PPP3CC: variants seen among roughly 807,000 people sequenced by gnomAD.
PPP3CC encodes serine/threonine-protein phosphatase 2B catalytic subunit gamma isoform.
A neutral mutation model predicts 60.3 loss-of-function variants in PPP3CC; 35 were observed. That is an observed-to-expected ratio of 0.58 (90% confidence interval 0.44 to 0.77). PPP3CC has a LOEUF of 0.77. Ranked by LOEUF, PPP3CC falls within the 30% of genes least tolerant of loss-of-function variation. PPP3CC has a pLI of 0.00. For synonymous variants in PPP3CC, 206 were observed against 224.3 expected (o/e 0.92, Z 0.73); for missense variants, 570 against 628.9 (o/e 0.91, Z 1.00).
intron 6 of PPP3CC, among the ~76,000 whole-genome samples, chr8:22,516,021 C>T (rs1839235450): frequency 6.6e-6 from 1 of 151,948 alleles, no homozygotes; most frequent in Non-Finnish European, 1.5e-5. Flanking sequence ...TCACTACAGC[C>T]TCAACCTTCT....
intron 1 of PPP3CC, among the ~76,000 whole-genome samples, chr8:22,465,820 A>AT (rs149567298): frequency 0.035 from 5,238 of 151,576 alleles, 305 homozygotes; most frequent in African/African-American, 0.12. Flanking sequence ...TATTGTAGCC[A>AT]TTTTTTTTTA....
chr8:22,500,558 A>T (rs747082761), intron 4 of PPP3CC, among the ~76,000 whole-genome samples: 3 of 152,188 alleles, frequency 2.0e-5, no homozygotes, highest in Non-Finnish European at 4.4e-5. Context: ...CCCTTTACTG[A>T]TAGGTAGATT....
chr8:22,511,036 A>T lies in PPP3CC; in HGVS notation c.485-50A>T, dbSNP rs777444200. On this transcript the variant is annotated intron_variant, in intron 4 of 13. Transcript: ENST00000240139. ...TTCTCCTGGCCTATATCCTTTTTCA[A>T]ATGTGATACGTTTTAGTTCTTCCAT... is the stretch of plus-strand genomic sequence containing the variant. 1.1e-5 allele frequency: 18 copies of T among 1,582,144 alleles called. No homozygotes were observed. The Admixed American group carries it at 1.7e-4, about 15-fold the overall frequency.
intron 3 of PPP3CC, among the ~76,000 whole-genome samples, chr8:22,487,134 A>G (rs1035459106): frequency 6.6e-6 from 1 of 151,920 alleles, no homozygotes; most frequent in Non-Finnish European, 1.5e-5. Context: ...AATTATTTCC[A>G]CTCTGCACAT....
rs554995767 is a variant in PPP3CC at position 22,473,970 on chromosome 8, C to G, written c.50-984C>G. Among the ~76,000 whole-genome samples, 11 of 152,310 alleles carry G rather than the reference C, an allele frequency of 7.2e-5. No homozygotes were observed. The South Asian group carries it at 2.3e-3, about 32-fold the overall frequency. On this transcript the variant is annotated intron_variant, in intron 1 of 13. Coordinates refer to ENST00000240139, the MANE Select transcript of PPP3CC (RefSeq NM_005605.5). ...AGTTCAGTGGCGCGATCTCAGCTCA[C>G]TGCAACCTCTGCCTCCCACGTTCAA...
At chr8:22,539,649 A>T (rs1024204423) in intron 13 of PPP3CC, 151 bp downstream of exon 13, 1 of 787,790 alleles carries the variant, frequency 1.3e-6, no homozygotes, top group Non-Finnish European at 2.0e-6. Flanking sequence ...TTAACGAAGC[A>T]GGTGTTTCCT....
At chr8:22,481,577 A>G (rs1228973996) in intron 3 of PPP3CC, among the ~76,000 whole-genome samples, 3 of 150,632 alleles carry the variant, frequency 2.0e-5, no homozygotes, top group Non-Finnish European at 3.0e-5. Context: ...AAATTCTGGT[A>G]TACATGTACA....
At chr8:22,535,497 T>A (rs1304620235) in intron 12 of PPP3CC, among the ~76,000 whole-genome samples, 1 of 152,206 alleles carries the variant, frequency 6.6e-6, no homozygotes, top group Non-Finnish European at 1.5e-5. Flanking sequence ...TGGCCTTTTT[T>A]CTTTTTCTTT....
At chr8:22,491,326 ATCCCTCCT>A (rs1838399562) in intron 3 of PPP3CC, among the ~76,000 whole-genome samples, 1 of 152,126 alleles carries the variant, frequency 6.6e-6, no homozygotes, top group South Asian at 2.1e-4. Context: ...ATTTCCTCAC[ATCCCTCCT>A]TCCAGAATAT....
At chr8:22,529,128 A>G (rs189706057) in intron 10 of PPP3CC, among the ~76,000 whole-genome samples, 1 of 152,132 alleles carries the variant, frequency 6.6e-6, no homozygotes, top group African/African-American at 2.4e-5. Flanking sequence ...CAGTAAATAA[A>G]TATGTCAGAT....
chr8:22,540,627 T>C lies in PPP3CC; in HGVS notation c.1364T>C (p.Phe455Ser). ...AVEAREAIRG[F>S]SLQHKIRSFE... ...TGTTTTTCTGTAGCCATCAGAGGGT[T>C]CTCGCTTCAGCACAAGATCCGGAGT... The change falls in exon 14 of 14, where the codon TTC (phenylalanine) becomes TCC (serine). Residue 455 changes from phenylalanine to serine, a missense_variant. Phe to Ser is a radical substitution (Grantham distance 155). Coordinates refer to ENST00000240139, the MANE Select transcript of PPP3CC (RefSeq NM_005605.5). 1 of 1,613,368 alleles carries C rather than the reference T, an allele frequency of 6.2e-7. No homozygotes were observed. Among genetic ancestry groups the C allele is most frequent in the Non-Finnish European group, 8.5e-7 (1 of 1,179,822 alleles).
At chr8:22,532,818 CT>C (rs1839751327) in intron 11 of PPP3CC, 102 bp from the exon 12 acceptor site, 2 of 713,206 alleles carry the variant, frequency 2.8e-6, no homozygotes, top group Admixed American at 3.8e-5. Flanking sequence ...GTAGGAGAAC[CT>C]ATCTTCCATC....
At chr8:22,512,201 A>G (rs1027699549) in intron 5 of PPP3CC, among the ~76,000 whole-genome samples, 1 of 152,022 alleles carries the variant, frequency 6.6e-6, no homozygotes, top group Admixed American at 6.6e-5. Flanking sequence ...TTATAAAACT[A>G]TTTTCTCTGA....
At chr8:22,531,477 G>A in intron 10 of PPP3CC, 3 of 803,724 alleles carry the variant, frequency 3.7e-6, no homozygotes, top group East Asian at 5.5e-5. Flanking sequence ...CTCTGGACCT[G>A]TTGCGTGATC....
chr8:22,445,553 C>T (rs1409825968), intron 1 of PPP3CC, among the ~76,000 whole-genome samples: 4 of 152,050 alleles, frequency 2.6e-5, no homozygotes, highest in Non-Finnish European at 4.4e-5. Context: ...CATATTAAAG[C>T]TTTTGTTATG....
rs142254973 is a variant in PPP3CC, at chr8:22,475,501, A to G, written c.249A>G (p.Val83=). 3.7e-5 allele frequency: 59 copies of G among 1,607,968 alleles called. No homozygotes were observed. In the Admixed American group the frequency reaches 9.9e-4, roughly 27 times the overall value. ...TMIEVDAPIT[V]CGDIHGQFFD... ...ATCACTTTATGCTTTTTTTCCTAGTATGTGGTGATATTCATGGACAATTCT... is the reference window on the plus strand; with the variant it reads ...ATCACTTTATGCTTTTTTTCCTAGTGTGTGGTGATATTCATGGACAATTCT... The change falls in exon 3 of 14, where the codon GTA becomes GTG. Residue 83 remains valine, a splice_region_variant and synonymous_variant. Transcript: ENST00000240139.
At chr8:22,460,970 C>G (rs942818756) in intron 1 of PPP3CC, among the ~76,000 whole-genome samples, 1 of 152,038 alleles carries the variant, frequency 6.6e-6, no homozygotes, top group Admixed American at 6.6e-5. Flanking sequence ...CTTAGCCTCC[C>G]GAGTAGCTGG....
intron 3 of PPP3CC, among the ~76,000 whole-genome samples, chr8:22,486,993 G>A (rs756110709): frequency 6.6e-6 from 1 of 152,076 alleles, no homozygotes; most frequent in Non-Finnish European, 1.5e-5. Context: ...GCCACCCAAA[G>A]TGCTGGGATT....
chr8:22,488,949 G>T (rs1256010516), intron 3 of PPP3CC, among the ~76,000 whole-genome samples: 1 of 152,330 alleles, frequency 6.6e-6, no homozygotes, highest in Middle Eastern at 3.4e-3. Flanking sequence ...GAGGTGCAGA[G>T]AGTGGGGCAG....
Sources: gnomAD v4.1 joint callset for allele counts (sites outside exome capture counted in the v4.1 genomes callset) on GRCh38, gnomAD v4.1.1 for gene constraint, MANE v1.5 for transcripts, NCBI Gene and HGNC (gene_info 2026-07-23, HGNC 2026-07-21) for gene names.